The following EYS variants were observed in gnomAD, a reference collection of about 807,000 sequenced individuals.
EYS encodes EGF-like photoreceptor maintenance factor, also known as protein eyes shut homolog.
A neutral mutation model predicts 282.1 loss-of-function variants in EYS; 250 were observed. The ratio of observed to expected loss-of-function variants is 0.89; its 90% CI spans 0.80 to 0.98. The LOEUF (loss-of-function observed/expected upper bound fraction) is 0.98, where lower values mean the gene tolerates loss of function less well. Ranked by LOEUF, EYS falls within the 50% of genes least tolerant of loss-of-function variation. The probability of loss-of-function intolerance (pLI) is 0.00; values close to 1 mark genes in which losing one functional copy is unlikely to be tolerated. For synonymous variants in EYS, 1,355 were observed against 1,282.9 expected (o/e 1.06, Z -1.20); for missense variants, 4,016 against 3,709.0 (o/e 1.08, Z -2.15).
intron 28 of EYS, among the ~76,000 whole-genome samples, chr6:64,401,723 T>C (rs1019239598): frequency 6.6e-6 from 1 of 152,132 alleles, no homozygotes; most frequent in Non-Finnish European, 1.5e-5. Context: ...TAAATAGATA[T>C]AGTGGATATT....
intron 12 of EYS, among the ~76,000 whole-genome samples, chr6:65,137,766 CAA>C (rs747705705): frequency 1.4e-4 from 22 of 151,898 alleles, no homozygotes; most frequent in Non-Finnish European, 2.5e-4. Context: ...GGAAGGAATA[CAA>C]GAGATATTTA....
chr6:64,059,361 C>A (rs984669563), intron 33 of EYS, among the ~76,000 whole-genome samples: 1 of 152,078 alleles, frequency 6.6e-6, no homozygotes, highest in Admixed American at 6.6e-5. Context: ...TCTGTTTTGA[C>A]AATTTGAAGT....
chr6:64,415,650 T>C (rs1582724607), intron 28 of EYS, among the ~76,000 whole-genome samples: 3 of 152,314 alleles, frequency 2.0e-5, no homozygotes, highest in East Asian at 3.9e-4. Flanking sequence ...GTTCATATGT[T>C]CCATTATTTT....
intron 22 of EYS, among the ~76,000 whole-genome samples, chr6:64,798,607 G>GTTTTTT (rs57597318): frequency 4.7e-5 from 5 of 106,808 alleles, no homozygotes; most frequent in African/African-American, 7.0e-5. Flanking sequence ...TTTGTTTCTG[G>GTTTTTT]TTTTTTTTTT....
At chr6:64,866,989 A>G (rs1766443736) in intron 19 of EYS, among the ~76,000 whole-genome samples, 1 of 151,794 alleles carries the variant, frequency 6.6e-6, no homozygotes, top group South Asian at 2.1e-4. Context: ...TAAGAAGGTA[A>G]ATTTATTTTC....
At chr6:63,961,673 C>T (rs1766069034) in intron 35 of EYS, among the ~76,000 whole-genome samples, 1 of 152,110 alleles carries the variant, frequency 6.6e-6, no homozygotes, top group Admixed American at 6.5e-5. Context: ...ACAGAAGGGA[C>T]AAACAGACCC....
chr6:63,954,281 C>A (rs1765719406), intron 35 of EYS, among the ~76,000 whole-genome samples: 3 of 152,202 alleles, frequency 2.0e-5, no homozygotes, highest in Admixed American at 2.0e-4. Flanking sequence ...CCAGCAAAGG[C>A]AGGCTATGCT....
intron 26 of EYS, among the ~76,000 whole-genome samples, chr6:64,539,675 G>T (rs1338052214): frequency 6.6e-6 from 1 of 152,200 alleles, no homozygotes; most frequent in Non-Finnish European, 1.5e-5. Flanking sequence ...CCTCTGCCAT[G>T]CAAGGGTATA....
chr6:65,332,165 C>A, intron 11 of EYS: 2 of 467,302 alleles, frequency 4.3e-6, no homozygotes, highest in South Asian at 4.0e-5. Context: ...TGTGGAAGTT[C>A]CCTTTTATTC....
At chr6:64,172,814 T>C (rs538992727) in intron 31 of EYS, among the ~76,000 whole-genome samples, 9 of 152,274 alleles carry the variant, frequency 5.9e-5, no homozygotes, top group African/African-American at 2.2e-4. Context: ...AGGAACCCTA[T>C]TGTGAACTGT....
intron 31 of EYS, among the ~76,000 whole-genome samples, chr6:64,093,191 G>A: frequency 6.6e-6 from 1 of 151,986 alleles, no homozygotes; most frequent in Admixed American, 6.6e-5. Flanking sequence ...GTAGCGTGAT[G>A]CCTCCAGCTT....
intron 2 of EYS, among the ~76,000 whole-genome samples, chr6:65,504,061 A>C (rs560831798): frequency 4.6e-5 from 7 of 151,664 alleles, no homozygotes; most frequent in Admixed American, 3.3e-4. Context: ...CCTTAATTAT[A>C]TTGAGGCTCC....
intron 19 of EYS, among the ~76,000 whole-genome samples, chr6:64,853,553 GAAA>G (rs751159024): frequency 2.0e-5 from 3 of 152,032 alleles, no homozygotes; most frequent in Non-Finnish European, 2.9e-5. Flanking sequence ...TGGGTCTTTT[GAAA>G]AGGGAGGACA....
intron 22 of EYS, among the ~76,000 whole-genome samples, chr6:64,645,072 C>T (rs1398749265): frequency 6.6e-6 from 1 of 152,084 alleles, no homozygotes; most frequent in Non-Finnish European, 1.5e-5. Context: ...CATCAACTAG[C>T]CTTTAAGAAG....
chr6:65,186,143 T>A (rs1192793802), intron 12 of EYS, among the ~76,000 whole-genome samples: 1 of 151,748 alleles, frequency 6.6e-6, no homozygotes, highest in South Asian at 2.1e-4. Flanking sequence ...ACATTTTCAC[T>A]GATTATTGGG....
At position 63,989,483 on chromosome 6, in the gene EYS, C is replaced by T. The variant is rs142708109; in HGVS notation, c.6835-4880G>A. Among the ~76,000 whole-genome samples, 558 of 151,754 alleles carry T rather than the reference C, an allele frequency of 3.7e-3. 5 individuals are homozygous for T. The highest frequency in any genetic ancestry group is 0.013 in the African/African-American group (534 of 41,496). On this transcript the variant is annotated intron_variant, in intron 34 of 42. Transcript: ENST00000503581. ...TCTTTTGCAGTTAAAGGATCTCTCT[C>T]TCCCTCTCTTTATCTTACTTTTCCC...
intron 16 of EYS, among the ~76,000 whole-genome samples, chr6:64,907,351 T>C (rs1445305759): frequency 6.6e-6 from 1 of 152,140 alleles, no homozygotes; most frequent in African/African-American, 2.4e-5. Flanking sequence ...TGCCTGGCCC[T>C]CAAGTGATAT....
intron 19 of EYS, among the ~76,000 whole-genome samples, chr6:64,829,371 T>C (rs1765150570): frequency 6.6e-6 from 1 of 151,946 alleles, no homozygotes; most frequent in Admixed American, 6.6e-5. Context: ...CAAGAATTAG[T>C]TAGGTACTGC....
chr6:64,180,130 C>CTG (rs373040999), intron 31 of EYS, among the ~76,000 whole-genome samples: 338 of 152,214 alleles, frequency 2.2e-3, no homozygotes, highest in African/African-American at 7.5e-3. Flanking sequence ...TATTAAAATA[C>CTG]TGAGAATACT....
Sources: allele counts gnomAD v4.1 joint callset (sites outside exome capture counted in the v4.1 genomes callset), GRCh38; gene constraint gnomAD v4.1.1; transcripts MANE v1.5; gene names NCBI Gene and HGNC (gene_info 2026-07-23, HGNC 2026-07-21).